ATP13A4: variants seen among roughly 807,000 people sequenced by gnomAD.
ATP13A4 encodes probable cation-transporting ATPase 13A4.
Under a neutral mutation model 142.5 loss-of-function variants are expected in ATP13A4, and 114 were observed. That is an observed-to-expected ratio of 0.80 (90% confidence interval 0.69 to 0.93). The LOEUF (loss-of-function observed/expected upper bound fraction) is 0.93. Among genes scored for constraint, ATP13A4 ranks in the 40% least tolerant of loss-of-function variants. The pLI, the probability that ATP13A4 is intolerant of heterozygous loss-of-function variation, is 0.00. For synonymous variants in ATP13A4, 488 were observed against 514.8 expected (o/e 0.95, Z 0.70); for missense variants, 1,392 against 1,454.0 (o/e 0.96, Z 0.69).
rs1714215061 is a variant in ATP13A4, at chr3:193,400,008, A to G, written c.*2644T>C. On this transcript the variant is annotated 3_prime_UTR_variant, in exon 30 of 30. Transcript: ENST00000342695. ...GCCACTTGTTCCTCCAATGTCCTAGAGTACATTCCACTGCTATCAGTGCTG... is the reference window on the plus strand; with the variant it reads ...GCCACTTGTTCCTCCAATGTCCTAGGGTACATTCCACTGCTATCAGTGCTG... 1.3e-5 allele frequency among the ~76,000 whole-genome samples: 2 copies of G among 152,134 alleles called. No homozygotes were observed. The highest frequency in any genetic ancestry group is 2.9e-5 in the Non-Finnish European group (2 of 68,012).
At chr3:193,405,830 A>G (rs1257028518) in intron 29 of ATP13A4, among the ~76,000 whole-genome samples, 1 of 152,154 alleles carries the variant, frequency 6.6e-6, no homozygotes, top group East Asian at 1.9e-4. Context: ...ATGGAATAGC[A>G]CTTTAATATG....
chr3:193,424,640 A>T lies in ATP13A4; in HGVS notation c.2842+9205T>A, dbSNP rs1490857008. 2.0e-5 allele frequency among the ~76,000 whole-genome samples: 3 copies of T among 149,652 alleles called. No individual in the cohort carries two copies. The Admixed American group carries it at 2.1e-4, about 10-fold the overall frequency. ...TTATCGATGCAGAAGAATGAACTAGACCCCTATCTCTCACCAAATAAGAAA... is the reference window on the plus strand; with the variant it reads ...TTATCGATGCAGAAGAATGAACTAGTCCCCTATCTCTCACCAAATAAGAAA... On this transcript the variant is annotated intron_variant, in intron 25 of 29. Coordinates refer to ENST00000342695, the MANE Select transcript of ATP13A4 (RefSeq NM_032279.4).
At chr3:193,568,751 G>T (rs1686465872) in intron 2 of ATP13A4, among the ~76,000 whole-genome samples, 1 of 152,092 alleles carries the variant, frequency 6.6e-6, no homozygotes, top group Non-Finnish European at 1.5e-5. Flanking sequence ...ATAAAAAAGT[G>T]CTTAAAAAAA....
intron 2 of ATP13A4, among the ~76,000 whole-genome samples, chr3:193,579,704 G>A (rs997365543): frequency 8.4e-5 from 12 of 142,554 alleles, no homozygotes; most frequent in East Asian, 2.0e-4. Flanking sequence ...CAGACAATCC[G>A]TGCTCTCCAA....
chr3:193,465,883 TG>T, intron 11 of ATP13A4, 141 bp downstream of exon 11: 2 of 920,446 alleles, frequency 2.2e-6, no homozygotes, highest in Non-Finnish European at 3.4e-6. Flanking sequence ...GACTGGGATC[TG>T]GAAGTCTATA....
chr3:193,582,574 A>T (rs1293007518), intron 1 of ATP13A4, among the ~76,000 whole-genome samples: 1 of 133,210 alleles, frequency 7.5e-6, no homozygotes, highest in Non-Finnish European at 1.5e-5. Flanking sequence ...AATACATATA[A>T]TATATATTAC....
chr3:193,525,894 T>C (rs1275914261), intron 1 of ATP13A4, among the ~76,000 whole-genome samples: 1 of 152,080 alleles, frequency 6.6e-6, no homozygotes, highest in Non-Finnish European at 1.5e-5. Context: ...ATCTTTTCCA[T>C]ATACAGGAAG....
intron 17 of ATP13A4, among the ~76,000 whole-genome samples, chr3:193,453,441 G>A (rs1397358292): frequency 6.6e-6 from 1 of 151,922 alleles, no homozygotes; most frequent in Non-Finnish European, 1.5e-5. Flanking sequence ...CATGAAAGGT[G>A]AAATAAACAT....
intron 5 of ATP13A4, 37 bp downstream of exon 5, chr3:193,492,880 C>A (rs1486209026): frequency 6.8e-7 from 1 of 1,473,838 alleles, no homozygotes; most frequent in Admixed American, 1.7e-5. Flanking sequence ...TGATAATAAT[C>A]CTTTTGAGCT....
chr3:193,566,822 G>C (rs1724145050), intron 2 of ATP13A4, among the ~76,000 whole-genome samples: 1 of 152,164 alleles, frequency 6.6e-6, no homozygotes, highest in Admixed American at 6.5e-5. Context: ...TAAAATATTT[G>C]ATGGCACACA....
chr3:193,527,912 AG>A (rs1722101487), intron 1 of ATP13A4, among the ~76,000 whole-genome samples: 1 of 152,188 alleles, frequency 6.6e-6, no homozygotes, highest in South Asian at 2.1e-4. Context: ...ATTTCTCTAC[AG>A]AACTACCTGT....
At chr3:193,480,875 C>A (rs781530345) in intron 8 of ATP13A4, among the ~76,000 whole-genome samples, 2 of 152,154 alleles carry the variant, frequency 1.3e-5, no homozygotes, top group Non-Finnish European at 2.9e-5. Context: ...ATGGAACAAG[C>A]CCAAATGCCC....
chr3:193,470,253 T>A (rs1265362621), intron 9 of ATP13A4, among the ~76,000 whole-genome samples: 1 of 152,188 alleles, frequency 6.6e-6, no homozygotes, highest in African/African-American at 2.4e-5. Context: ...TCTCTGGACC[T>A]CAGTTGCCAT....
chr3:193,583,187 C>T (rs1390746661), intron 1 of ATP13A4, among the ~76,000 whole-genome samples: 9 of 151,682 alleles, frequency 5.9e-5, no homozygotes, highest in African/African-American at 1.9e-4. Flanking sequence ...AATCCCAGCA[C>T]TTTGGGAGGC....
intron 1 of ATP13A4, among the ~76,000 whole-genome samples, chr3:193,584,517 A>G (rs1469074700): frequency 6.6e-6 from 1 of 152,204 alleles, no homozygotes; most frequent in East Asian, 1.9e-4. Flanking sequence ...TCAATTCTAC[A>G]CAGCACACAA....
intron 2 of ATP13A4, among the ~76,000 whole-genome samples, chr3:193,511,323 G>A (rs1016695933): frequency 7.2e-5 from 11 of 152,186 alleles, no homozygotes; most frequent in African/African-American, 2.2e-4. Flanking sequence ...AAGCTGTTTT[G>A]AGTCTTTCCA....
At position 193,439,021 on chromosome 3, in the gene ATP13A4, ACC is replaced by A. The variant is rs748448081; in HGVS notation, c.2562_2562+1del. ...TGGCCACACAAACTGGTAGCTACTT[ACC>A]CCACAGTCATTGGCTCCATCACCAC... On this transcript the variant is annotated splice_donor_variant and coding_sequence_variant, in exon 22 of 30. Coordinates refer to ENST00000342695, the MANE Select transcript of ATP13A4 (RefSeq NM_032279.4). LOFTEE classifies it high-confidence loss of function. 6.2e-7 allele frequency: 1 copy of A among 1,608,532 alleles called. No individual in the cohort carries two copies. The highest frequency in any genetic ancestry group is 2.2e-5 in the East Asian group (1 of 44,854).
chr3:193,585,800 T>G (rs1724656570), intron 1 of ATP13A4, among the ~76,000 whole-genome samples: 1 of 152,222 alleles, frequency 6.6e-6, no homozygotes, highest in Non-Finnish European at 1.5e-5. Context: ...TGAACATGTT[T>G]GTACAAGACT....
chr3:193,416,720 G>T (rs1482511849), intron 25 of ATP13A4, among the ~76,000 whole-genome samples: 1 of 152,044 alleles, frequency 6.6e-6, no homozygotes, highest in Non-Finnish European at 1.5e-5. Flanking sequence ...AGAGCCTAAA[G>T]GGCATGTATA....
Sources: allele counts gnomAD v4.1 joint callset (sites outside exome capture counted in the v4.1 genomes callset), GRCh38; gene constraint gnomAD v4.1.1; transcripts MANE v1.5; gene names NCBI Gene and HGNC (gene_info 2026-07-23, HGNC 2026-07-21).